Variants in GABRG2 observed in about 807,000 individuals in gnomAD.
The protein encoded by GABRG2 is gamma-aminobutyric acid receptor subunit gamma-2.
GABRG2 carries 16 observed loss-of-function variants against 56.4 expected under a neutral mutation model. The ratio of observed to expected loss-of-function variants is 0.28; its 90% CI spans 0.19 to 0.43. GABRG2 has a LOEUF of 0.43. Among genes scored for constraint, GABRG2 ranks in the 20% least tolerant of loss-of-function variants. GABRG2 has a pLI of 1.00. For synonymous variants in GABRG2, 208 were observed against 205.5 expected (o/e 1.01, Z -0.10); for missense variants, 327 against 582.7 (o/e 0.56, Z 4.52).
rs538276547 is a variant in GABRG2 at position 162,132,325 on chromosome 5, G to A, written c.770-9839G>A. Among the ~76,000 whole-genome samples, 16 of 152,088 alleles carry A rather than the reference G, an allele frequency of 1.1e-4. No individual in the cohort carries two copies. In the South Asian group the frequency reaches 1.5e-3, roughly 14 times the overall value. Reference sequence around the variant, plus strand: ...GTAGATGGAAAAAGTTGTTCCCCGTGGATAAGGCATCTGTTTTTCAGGACA... The same window carrying A: ...GTAGATGGAAAAAGTTGTTCCCCGTAGATAAGGCATCTGTTTTTCAGGACA... On this transcript the variant is annotated intron_variant, in intron 6 of 9. Transcript: ENST00000639213.
At chr5:162,141,404 C>T (rs1471139096) in intron 6 of GABRG2, among the ~76,000 whole-genome samples, 1 of 152,078 alleles carries the variant, frequency 6.6e-6, no homozygotes, top group Middle Eastern at 3.2e-3. Context: ...TTTATGTGTA[C>T]GATTTACAAA....
intron 1 of GABRG2, among the ~76,000 whole-genome samples, chr5:162,078,437 T>C (rs209347): frequency 0.81 from 96,011 of 118,374 alleles, 39,124 homozygotes; most frequent in African/African-American, 0.86. Context: ...GACGGAGTCT[T>C]GCTCTATCGC....
At chr5:162,105,999 C>T (rs1761800013) in intron 6 of GABRG2, among the ~76,000 whole-genome samples, 1 of 151,766 alleles carries the variant, frequency 6.6e-6, no homozygotes, top group South Asian at 2.1e-4. Flanking sequence ...TGTTTTGAGC[C>T]CAAGAGTGGT....
intron 6 of GABRG2, among the ~76,000 whole-genome samples, chr5:162,124,059 G>A (rs145318229): frequency 3.0e-4 from 46 of 151,984 alleles, no homozygotes; most frequent in African/African-American, 7.2e-4. Context: ...TGAGAGGCAT[G>A]AGGAAATAAA....
At chr5:162,083,293 T>A (rs1400597862) in intron 1 of GABRG2, among the ~76,000 whole-genome samples, 3 of 151,800 alleles carry the variant, frequency 2.0e-5, no homozygotes, top group African/African-American at 7.2e-5. Context: ...TTTCATACAC[T>A]TGTTCTCAGT....
chr5:162,130,664 C>T (rs1400553030), intron 6 of GABRG2, among the ~76,000 whole-genome samples: 1 of 151,906 alleles, frequency 6.6e-6, no homozygotes, highest in East Asian at 1.9e-4. Flanking sequence ...TTGATTTTGA[C>T]CCATTTGTGA....
intron 6 of GABRG2, among the ~76,000 whole-genome samples, chr5:162,110,839 A>G (rs1762201408): frequency 6.6e-6 from 1 of 152,124 alleles, no homozygotes; most frequent in Non-Finnish European, 1.5e-5. Context: ...GGATGATTGC[A>G]CAGTAATAGA....
chr5:162,068,069 A>G lies in GABRG2; in HGVS notation c.70A>G (p.Thr24Ala), dbSNP rs796052516. The G allele has an allele frequency of 1.2e-6, 2 of 1,612,784 alleles. No homozygotes were observed. The highest frequency in any genetic ancestry group is 1.7e-6 in the Non-Finnish European group (2 of 1,179,702). Residue 24 changes from threonine (T) to alanine (A), a missense_variant, in exon 1 of 10, where the codon ACG becomes GCG. By Grantham distance (58) the Thr-to-Ala change is moderately conservative. This residue lies in a region of GABRG2 where 73 missense variants were observed against 72.2 expected (regional missense o/e 1.01). Transcript: ENST00000639213. ...YSTPVFSQKMTVWILLLLSLY... is the reference protein window; with the variant it reads ...YSTPVFSQKMAVWILLLLSLY... ...GACTCCTGTATTTTCACAGAAAATG[A>G]CGGTGTGGATTCTGCTCCTGCTGTC...
Position 162,096,544 on chromosome 5 carries a change from G to A in GABRG2, c.327+982G>A, listed in dbSNP as rs142949442. Among the ~76,000 whole-genome samples, 595 of 152,128 alleles carry A rather than the reference G, an allele frequency of 3.9e-3. 5 individuals are homozygous for A. Among genetic ancestry groups the A allele is most frequent in the African/African-American group, 0.013 (555 of 41,506 alleles). On this transcript the variant is annotated intron_variant, in intron 3 of 9. Transcript: ENST00000639213. ...CACTAATTGGTTGACAAAGGATTTCGTAAAACAGGTTCTTTTCTCATTACT... is the reference window on the plus strand; with the variant it reads ...CACTAATTGGTTGACAAAGGATTTCATAAAACAGGTTCTTTTCTCATTACT...
At chr5:162,125,488 A>T (rs1763281511) in intron 6 of GABRG2, among the ~76,000 whole-genome samples, 1 of 151,446 alleles carries the variant, frequency 6.6e-6, no homozygotes, top group Admixed American at 6.6e-5. Flanking sequence ...TAGCAGCTTC[A>T]CTTTAAGGCA....
At chr5:162,131,419 C>A (rs953771656) in intron 6 of GABRG2, among the ~76,000 whole-genome samples, 5 of 151,864 alleles carry the variant, frequency 3.3e-5, no homozygotes, top group African/African-American at 9.7e-5. Flanking sequence ...ATTATGAAAC[C>A]AATGTTCAAT....
chr5:162,101,111 T>C, intron 4 of GABRG2, 124 bp from the exon 5 acceptor site: 1 of 728,600 alleles, frequency 1.4e-6, no homozygotes, highest in East Asian at 2.7e-5. Context: ...TCATTGGGGA[T>C]CACTCTGTGT....
chr5:162,094,943 T>C (rs2113305059), intron 2 of GABRG2, among the ~76,000 whole-genome samples: 1 of 152,228 alleles, frequency 6.6e-6, no homozygotes, highest in East Asian at 1.9e-4. Flanking sequence ...CAATAAATCA[T>C]CAGGGAAGAT....
intron 9 of GABRG2, 62 bp from the exon 10 acceptor site, chr5:162,153,031 A>T (rs1765484648): frequency 6.2e-7 from 1 of 1,602,276 alleles, no homozygotes; most frequent in South Asian, 1.1e-5. Context: ...ATTGTGGAAA[A>T]ACAGCCTAGG....
Position 162,123,842 on chromosome 5 carries a change from T to C in GABRG2, c.770-18322T>C, listed in dbSNP as rs377242731. On this transcript the variant is annotated intron_variant, in intron 6 of 9. Transcript: ENST00000639213. The stretch of plus-strand genomic sequence containing the variant: ...TGGGCCTGTCTACCTCCAAAGAATG[T>C]GTCCATAACCACTGTGTTAATGTTT... 1.1e-4 allele frequency among the ~76,000 whole-genome samples: 16 copies of C among 152,072 alleles called. No individual in the cohort carries two copies. In the East Asian group the frequency reaches 2.9e-3, roughly 28 times the overall value.
rs1753766336 is a variant in GABRG2 at position 162,155,047 on chromosome 5, G to T, written c.*1679G>T. The T allele has an allele frequency of 6.6e-6, 1 of 152,276 alleles. No individual in the cohort carries two copies. The highest frequency in any genetic ancestry group is 2.1e-4 in the South Asian group (1 of 4,814). 9.4% of individuals were successfully genotyped at this position (152,276 alleles called of 1,614,324 possible). The stretch of plus-strand genomic sequence containing the variant: ...CTCTGTCATAATTAAATCATAGCTA[G>T]TATAACTTTACAGATAACCTAAAAA... On this transcript the variant is annotated 3_prime_UTR_variant, in exon 10 of 10. Coordinates refer to ENST00000639213, the MANE Select transcript of GABRG2 (RefSeq NM_198904.4).
chr5:162,153,178 G>A lies in GABRG2; in HGVS notation c.1238G>A (p.Gly413Asp). Residue 413 changes from glycine to aspartate, a missense_variant, in exon 10 of 10, where the codon GGC becomes GAC. By Grantham distance (94) the Gly-to-Asp change is moderately conservative. Around this residue, in one of 4 missense-constraint regions of GABRG2, gnomAD observed 108 missense variants for 144.2 expected, o/e 0.75. Transcript: ENST00000639213. The part of the protein sequence containing the change: ...THLQERDEEY[G>D]YECLDGKDCA... The stretch of plus-strand genomic sequence containing the variant: ...CTTCAAGAGAGAGATGAAGAGTACG[G>A]CTATGAGTGTCTGGACGGCAAGGAC... 1 of 1,614,006 alleles carries A rather than the reference G, an allele frequency of 6.2e-7. No individual in the cohort carries two copies.
chr5:162,123,009 G>A (rs900684797), intron 6 of GABRG2, among the ~76,000 whole-genome samples: 5 of 151,594 alleles, frequency 3.3e-5, no homozygotes, highest in African/African-American at 1.2e-4. Flanking sequence ...CTATATATCT[G>A]GGAGTAGCTT....
chr5:162,110,848 G>C (rs567710181), intron 6 of GABRG2, among the ~76,000 whole-genome samples: 1 of 152,168 alleles, frequency 6.6e-6, no homozygotes, highest in East Asian at 1.9e-4. Context: ...CACAGTAATA[G>C]ATTTTAATTT....
Sources: gnomAD v4.1 joint callset for allele counts (sites outside exome capture counted in the v4.1 genomes callset) on GRCh38, gnomAD v4.1.1 for gene constraint, gnomAD v4.1.1 regional missense constraint, MANE v1.5 for transcripts, NCBI Gene and HGNC (gene_info 2026-07-23, HGNC 2026-07-21) for gene names.